The following THRAP3 variants were observed in gnomAD, a reference collection of about 807,000 sequenced individuals.
The protein encoded by THRAP3 is thyroid hormone receptor-associated protein 3.
In THRAP3, 16 loss-of-function variants were observed where a neutral mutation model predicts 101.0. The ratio of observed to expected loss-of-function variants is 0.16; its 90% CI spans 0.11 to 0.24. The LOEUF is 0.24. Ranked by LOEUF, THRAP3 falls within the 10% of genes least tolerant of loss-of-function variation. The pLI, the probability that THRAP3 is intolerant of heterozygous loss-of-function variation, is 1.00. For missense variants in THRAP3, 989 were observed against 1,202.7 expected (o/e 0.82, Z 2.63); for synonymous variants, 407 against 422.6 (o/e 0.96, Z 0.45).
chr1:36,292,750 C>T lies in THRAP3; in HGVS notation c.2030+41C>T, dbSNP rs372972026. The T allele has an allele frequency of 3.4e-6, 5 of 1,474,636 alleles. 1 individual carries two copies. In the Middle Eastern group the frequency reaches 8.8e-4, roughly 260 times the overall value. The allele number at this position is 1,474,636 out of a possible 1,614,324, so 91.3% of individuals were successfully genotyped here. On this transcript the variant is annotated intron_variant, in intron 7 of 11. Coordinates refer to ENST00000354618, the MANE Select transcript of THRAP3 (RefSeq NM_005119.4). ...TTATACTGGAGGTTGTAATAAAAGA[C>T]TTTGTATCAGACATTAAACTCACCT...
At chr1:36,213,175 C>G in the THRAP3 span, among the ~76,000 whole-genome samples, 1 of 152,066 alleles carries the variant, frequency 6.6e-6, no homozygotes, top group Non-Finnish European at 1.5e-5. Flanking sequence ...CCATGCAGGG[C>G]CTTGTAGATT....
chr1:36,296,131 G>A (rs530015609), intron 8 of THRAP3, among the ~76,000 whole-genome samples: 61 of 151,880 alleles, frequency 4.0e-4, no homozygotes, highest in African/African-American at 1.3e-3. Flanking sequence ...ACGCCACCTT[G>A]CTCGGCTGAT....
At chr1:36,238,110 G>C (rs1250330368) in intron 1 of THRAP3, among the ~76,000 whole-genome samples, 1 of 152,108 alleles carries the variant, frequency 6.6e-6, no homozygotes, top group Non-Finnish European at 1.5e-5. Flanking sequence ...TGGGATTACA[G>C]GTGTGAGCCA....
chr1:36,243,717 C>T (rs1200122844), intron 1 of THRAP3, among the ~76,000 whole-genome samples: 1 of 152,198 alleles, frequency 6.6e-6, no homozygotes, highest in Non-Finnish European at 1.5e-5. Flanking sequence ...GCTGGGCACA[C>T]CTCCCAGACG....
upstream of THRAP3, among the ~76,000 whole-genome samples, chr1:36,223,527 T>C (rs920223765): frequency 2.6e-5 from 4 of 152,186 alleles, no homozygotes; most frequent in African/African-American, 7.2e-5. Flanking sequence ...TTTGAAAGCA[T>C]CACAGATGAC....
intron 1 of THRAP3, among the ~76,000 whole-genome samples, chr1:36,256,219 G>A (rs12728663): frequency 6.7e-4 from 46 of 69,164 alleles, no homozygotes; most frequent in Non-Finnish European, 1.0e-3. Flanking sequence ...TGTTATTATT[G>A]TTATTATTAT....
chr1:36,297,615 A>C (rs968952446), intron 9 of THRAP3, among the ~76,000 whole-genome samples: 1 of 151,414 alleles, frequency 6.6e-6, no homozygotes, highest in Non-Finnish European at 1.5e-5. Context: ...CGCCCAGCTA[A>C]TTTTTTGTAT....
intron 11 of THRAP3, among the ~76,000 whole-genome samples, chr1:36,302,199 CT>C (rs898473860): frequency 3.3e-5 from 5 of 152,210 alleles, no homozygotes; most frequent in African/African-American, 9.6e-5. Flanking sequence ...CAGATTAATA[CT>C]TTTATAGGCT....
chr1:36,304,407 C>T lies in THRAP3; in HGVS notation c.*390C>T. On this transcript the variant is annotated 3_prime_UTR_variant, in exon 12 of 12. Transcript: ENST00000354618. ...CTAAGATGACTAATTTGATGATTTTCGATCTCTTTTCCCCTGTCCTGATTT... is the reference window on the plus strand; with the variant it reads ...CTAAGATGACTAATTTGATGATTTTTGATCTCTTTTCCCCTGTCCTGATTT... 4.4e-6 allele frequency: 1 copy of T among 227,060 alleles called. No individual in the cohort carries two copies. The allele number at this position is 227,060 out of a possible 1,614,324, so 14.1% of individuals were successfully genotyped here. A position where few individuals can be genotyped will look rare whatever the true frequency, so the allele number is the denominator to read the frequency against.
intron 1 of THRAP3, among the ~76,000 whole-genome samples, chr1:36,249,367 A>G (rs551196206): frequency 7.5e-4 from 114 of 151,606 alleles, no homozygotes; most frequent in South Asian, 1.9e-3. Flanking sequence ...AATTTTTTGT[A>G]TTTTTAGTAG....
the THRAP3 span, among the ~76,000 whole-genome samples, chr1:36,208,951 G>GCCA: frequency 7.0e-5 from 10 of 142,434 alleles, 2 homozygotes; most frequent in African/African-American, 2.6e-4. Flanking sequence ...ACAGACGTGA[G>GCCA]CCACCATGTC....
At chr1:36,272,078 C>T (rs1645599461) in intron 2 of THRAP3, among the ~76,000 whole-genome samples, 1 of 151,726 alleles carries the variant, frequency 6.6e-6, no homozygotes, top group Non-Finnish European at 1.5e-5. Context: ...CAGGGTCTTG[C>T]CATGTTGTCC....
intron 7 of THRAP3, among the ~76,000 whole-genome samples, chr1:36,293,263 A>T (rs572551316): frequency 1.3e-5 from 2 of 152,100 alleles, no homozygotes; most frequent in Non-Finnish European, 2.9e-5. Context: ...TCTCAACCTC[A>T]GGTGACCTGC....
intron 1 of THRAP3, among the ~76,000 whole-genome samples, chr1:36,239,531 T>G (rs1645130725): frequency 6.6e-6 from 1 of 152,194 alleles, no homozygotes; most frequent in Admixed American, 6.6e-5. Context: ...CCTCCTAAAT[T>G]GCTGGGGTTA....
At chr1:36,291,670 C>A (rs1401853765) in intron 6 of THRAP3, 124 bp downstream of exon 6, 7 of 1,079,912 alleles carry the variant, frequency 6.5e-6, no homozygotes, top group African/African-American at 3.1e-5. Context: ...AAGCTAGGGG[C>A]TGGCTTGAAG....
chr1:36,237,870 T>C (rs1423183593), intron 1 of THRAP3, among the ~76,000 whole-genome samples: 1 of 152,170 alleles, frequency 6.6e-6, no homozygotes, highest in Non-Finnish European at 1.5e-5. Context: ...CACCCAGGCC[T>C]CAGTACAGTG....
At chr1:36,295,754 C>G (rs1645941155) in intron 8 of THRAP3, among the ~76,000 whole-genome samples, 1 of 151,852 alleles carries the variant, frequency 6.6e-6, no homozygotes, top group East Asian at 1.9e-4. Context: ...GTCAGTATAA[C>G]TCAGGGTTTT....
At position 36,234,788 on chromosome 1, in the gene THRAP3, C is replaced by G. The variant is rs1487104418; in HGVS notation, c.-135+10283C>G. On this transcript the variant is annotated intron_variant, in intron 1 of 11. Coordinates refer to ENST00000354618, the MANE Select transcript of THRAP3 (RefSeq NM_005119.4). ...TAGAACCTAGCTTGCCTCTTCTCTT[C>G]CTTTATTTCTGTTTCAGTCTTTTTT... Among the ~76,000 whole-genome samples, 5 of 144,388 alleles carry G rather than the reference C, an allele frequency of 3.5e-5. No homozygotes were observed. In the East Asian group the frequency reaches 1.0e-3, roughly 29 times the overall value. The allele number at this position is 144,388 out of a possible 152,430, so 94.7% of individuals were successfully genotyped here.
chr1:36,266,860 A>ATTTG (rs1381302977), intron 2 of THRAP3, among the ~76,000 whole-genome samples: 2 of 135,434 alleles, frequency 1.5e-5, no homozygotes, highest in Non-Finnish European at 3.0e-5. Context: ...ATATTTATTT[A>ATTTG]TTTATTTATT....
Sources: gnomAD v4.1 joint callset for allele counts (sites outside exome capture counted in the v4.1 genomes callset) on GRCh38, gnomAD v4.1.1 for gene constraint, MANE v1.5 for transcripts, NCBI Gene and HGNC (gene_info 2026-07-23, HGNC 2026-07-21) for gene names.